EPB41L3: variants seen among roughly 807,000 people sequenced by gnomAD.
The protein encoded by EPB41L3 is erythrocyte membrane protein band 4.1 like 3.
EPB41L3 carries 57 observed loss-of-function variants against 127.1 expected under a neutral mutation model. The ratio of observed to expected loss-of-function variants is 0.45; its 90% confidence interval spans 0.36 to 0.56. The LOEUF (loss-of-function observed/expected upper bound fraction) is 0.56, where lower values mean the gene tolerates loss of function less well. Ranked by LOEUF, EPB41L3 falls within the 20% of genes least tolerant of loss-of-function variation. EPB41L3 has a pLI of 0.00. For synonymous variants in EPB41L3, 572 were observed against 549.5 expected (o/e 1.04, Z -0.57); for missense variants, 1,273 against 1,372.2 (o/e 0.93, Z 1.14).
intron 3 of EPB41L3, chr18:5,577,553 G>C: frequency 3.2e-6 from 1 of 313,022 alleles, no homozygotes; most frequent in Admixed American, 4.9e-5. Flanking sequence ...TCAAGCCGGG[G>C]CAGGAAGCAA....
intron 13 of EPB41L3, among the ~76,000 whole-genome samples, chr18:5,415,249 G>A (rs906740036): frequency 2.0e-5 from 3 of 152,154 alleles, no homozygotes; most frequent in African/African-American, 7.2e-5. Flanking sequence ...AATACAATGC[G>A]GGATCTGATT....
intron 12 of EPB41L3, among the ~76,000 whole-genome samples, chr18:5,418,805 G>A (rs999933361): frequency 4.6e-5 from 7 of 152,134 alleles, no homozygotes; most frequent in African/African-American, 1.7e-4. Flanking sequence ...ATAGAATTCG[G>A]GGTAGTGATT....
chr18:5,523,229 A>C lies in EPB41L3; in HGVS notation c.-12+20684T>G, dbSNP rs2093070766. Among the ~76,000 whole-genome samples, 6 of 152,202 alleles carry C rather than the reference A, an allele frequency of 3.9e-5. 1 individual carries two copies. The South Asian group carries it at 1.2e-3, about 32-fold the overall frequency. ...TATTGAACATCAAATGATGCTAGAC[A>C]TGGCTACTCAAATCATCCATAATGG... On this transcript the variant is annotated intron_variant, in intron 1 of 22. Coordinates refer to ENST00000341928, the MANE Select transcript of EPB41L3 (RefSeq NM_012307.5).
intron 16 of EPB41L3, chr18:5,400,939 T>C (rs780264714): frequency 6.9e-7 from 1 of 1,440,618 alleles, no homozygotes; most frequent in South Asian, 1.2e-5. Context: ...ACCAATTTCT[T>C]CTGGAAAATC....
intron 3 of EPB41L3, among the ~76,000 whole-genome samples, chr18:5,611,537 T>TA (rs1311796323): frequency 6.6e-6 from 1 of 152,214 alleles, no homozygotes; most frequent in African/African-American, 2.4e-5. Context: ...TTCTGGAGAT[T>TA]AGTTGTAAAA....
At chr18:5,567,681 C>T (rs892432462) in intron 3 of EPB41L3, among the ~76,000 whole-genome samples, 1 of 151,960 alleles carries the variant, frequency 6.6e-6, no homozygotes, top group Non-Finnish European at 1.5e-5. Flanking sequence ...GTTGCTAAAC[C>T]CTGTTTCATT....
At chr18:5,609,617 C>T (rs572825485) in intron 3 of EPB41L3, among the ~76,000 whole-genome samples, 1 of 152,280 alleles carries the variant, frequency 6.6e-6, no homozygotes, top group African/African-American at 2.4e-5. Context: ...GAAGTCATGT[C>T]AAGATGCATG....
chr18:5,558,259 A>G (rs1435040256), intron 3 of EPB41L3, among the ~76,000 whole-genome samples: 2 of 152,242 alleles, frequency 1.3e-5, no homozygotes, highest in African/African-American at 4.8e-5. Flanking sequence ...TTTGTTTAAA[A>G]AAATCATCAT....
intron 1 of EPB41L3, among the ~76,000 whole-genome samples, chr18:5,523,329 T>A (rs1470446425): frequency 6.6e-6 from 1 of 152,206 alleles, no homozygotes; most frequent in Non-Finnish European, 1.5e-5. Context: ...TTGTTTCTTT[T>A]CTTCTTCAAA....
chr18:5,497,353 T>G (rs1168071815), intron 1 of EPB41L3, among the ~76,000 whole-genome samples: 1 of 152,096 alleles, frequency 6.6e-6, no homozygotes, highest in Admixed American at 6.5e-5. Context: ...ACCCAGTGAC[T>G]AGGGGATGGC....
chr18:5,419,881 C>T lies in EPB41L3; in HGVS notation c.1340-4G>A. 6.2e-7 allele frequency: 1 copy of T among 1,614,226 alleles called. No homozygotes were observed. The highest frequency in any genetic ancestry group is 8.5e-7 in the Non-Finnish European group (1 of 1,180,046). On this transcript the variant is annotated splice_polypyrimidine_tract_variant and splice_region_variant and intron_variant, in intron 11 of 22. Coordinates refer to ENST00000341928, the MANE Select transcript of EPB41L3 (RefSeq NM_012307.5). ...GCGTACTGGCCAGTACCAACCTCTG[C>T]AGCAGACATAGAATCCTTCATGTAT...
At chr18:5,498,819 T>C (rs532988676) in intron 1 of EPB41L3, among the ~76,000 whole-genome samples, 2 of 152,116 alleles carry the variant, frequency 1.3e-5, no homozygotes, top group African/African-American at 2.4e-5. Flanking sequence ...AACTATTTTC[T>C]CCATTTTCTG....
chr18:5,513,553 G>A (rs1044645966), intron 1 of EPB41L3, among the ~76,000 whole-genome samples: 5 of 152,146 alleles, frequency 3.3e-5, no homozygotes, highest in Admixed American at 6.5e-5. Context: ...AAAACCTAGA[G>A]GGTAAGAGTC....
chr18:5,409,680 A>T (rs7240696), intron 14 of EPB41L3, among the ~76,000 whole-genome samples: 4 of 149,758 alleles, frequency 2.7e-5, no homozygotes, highest in Non-Finnish European at 4.4e-5. Flanking sequence ...TCTAAATACC[A>T]AACTAGAAAA....
At chr18:5,474,635 T>C (rs144610759) in intron 3 of EPB41L3, among the ~76,000 whole-genome samples, 145 of 152,340 alleles carry the variant, frequency 9.5e-4, no homozygotes, top group African/African-American at 3.4e-3. Context: ...AAAATGCTCT[T>C]TTTGATGCCT....
intron 9 of EPB41L3, among the ~76,000 whole-genome samples, chr18:5,424,676 A>G (rs1023660744): frequency 2.6e-5 from 4 of 152,218 alleles, no homozygotes; most frequent in Non-Finnish European, 4.4e-5. Flanking sequence ...ATTTGCCCTG[A>G]TATCACTTTT....
intron 3 of EPB41L3, among the ~76,000 whole-genome samples, chr18:5,452,073 G>A (rs2082348533): frequency 6.6e-6 from 1 of 152,114 alleles, no homozygotes; most frequent in Non-Finnish European, 1.5e-5. Flanking sequence ...CGAACTCCCT[G>A]ACCTCAAGTG....
intron 1 of EPB41L3, among the ~76,000 whole-genome samples, chr18:5,496,361 C>T (rs2091178909): frequency 1.3e-5 from 2 of 152,174 alleles, no homozygotes; most frequent in South Asian, 4.1e-4. Flanking sequence ...TTGGTTGATC[C>T]CACATGTACC....
chr18:5,589,108 A>G (rs551617551), intron 3 of EPB41L3, among the ~76,000 whole-genome samples: 13 of 152,306 alleles, frequency 8.5e-5, no homozygotes, highest in Admixed American at 5.2e-4. Context: ...ATTTATTACA[A>G]CTAAAGACAT....
Sources: allele counts gnomAD v4.1 joint callset (sites outside exome capture counted in the v4.1 genomes callset), GRCh38; gene constraint gnomAD v4.1.1; transcripts MANE v1.5; gene names NCBI Gene and HGNC (gene_info 2026-07-23, HGNC 2026-07-21).